The following NRG3 variants were observed in gnomAD, a reference collection of about 807,000 sequenced individuals.
The protein encoded by NRG3 is neuregulin 3.
A neutral mutation model predicts 66.9 loss-of-function variants in NRG3; 31 were observed. The ratio of observed to expected loss-of-function variants is 0.46; its 90% CI spans 0.35 to 0.63. NRG3 has a LOEUF of 0.63. Ranked by LOEUF, NRG3 falls within the 20% of genes least tolerant of loss-of-function variation. The pLI, the probability that NRG3 is intolerant of heterozygous loss-of-function variation, is 0.00. For synonymous variants in NRG3, 393 were observed against 359.4 expected, an observed-to-expected ratio of 1.09 and a Z score of -1.06; for missense variants, 910 against 878.9, an observed-to-expected ratio of 1.04 and a Z score of -0.45.
At chr10:82,472,655 C>T (rs1175350320) in intron 2 of NRG3, among the ~76,000 whole-genome samples, 1 of 152,182 alleles carries the variant, frequency 6.6e-6, no homozygotes, top group Admixed American at 6.5e-5. Flanking sequence ...AGTCTTTCTT[C>T]AGAAGGACTC....
chr10:82,126,618 G>A (rs973193268), intron 1 of NRG3, among the ~76,000 whole-genome samples: 1 of 152,070 alleles, frequency 6.6e-6, no homozygotes, highest in African/African-American at 2.4e-5. Flanking sequence ...ATGCCAGAAA[G>A]ACCAAAGAAT....
chr10:82,826,721 A>G (rs2062228745), intron 3 of NRG3, among the ~76,000 whole-genome samples: 1 of 152,144 alleles, frequency 6.6e-6, no homozygotes, highest in South Asian at 2.1e-4. Context: ...GTGCACATGG[A>G]CGCAAAGATG....
chr10:82,005,639 A>C (rs1420907358), intron 1 of NRG3, among the ~76,000 whole-genome samples: 2 of 152,100 alleles, frequency 1.3e-5, no homozygotes, highest in African/African-American at 2.4e-5. Flanking sequence ...TTTTTTCTGC[A>C]ATGCTTTTTA....
At position 82,805,871 on chromosome 10, in the gene NRG3, G is replaced by T. The variant is rs371037874; in HGVS notation, c.1028-59540G>T. Among the ~76,000 whole-genome samples the T allele has an allele frequency of 2.6e-5, 4 of 152,250 alleles. No homozygotes were observed. In the East Asian group the frequency reaches 7.7e-4, roughly 29 times the overall value. ...GTGGGCTGTAAGCAAATGTGCACAGGCCTGTTCCAAAGACTTCTTAGTTTG... is the reference window on the plus strand; with the variant it reads ...GTGGGCTGTAAGCAAATGTGCACAGTCCTGTTCCAAAGACTTCTTAGTTTG... On this transcript the variant is annotated intron_variant, in intron 3 of 8. Coordinates refer to ENST00000372141, the MANE Select transcript of NRG3 (RefSeq NM_001010848.4).
At chr10:82,522,039 C>CT (rs71009811) in intron 2 of NRG3, among the ~76,000 whole-genome samples, 3,710 of 97,674 alleles carry the variant, frequency 0.038, 145 homozygotes, top group African/African-American at 0.052. Context: ...CCGCTGAAGT[C>CT]TTTTTTTTTT....
intron 1 of NRG3, among the ~76,000 whole-genome samples, chr10:82,276,345 T>C (rs922372948): frequency 5.9e-5 from 9 of 152,036 alleles, no homozygotes; most frequent in Non-Finnish European, 1.2e-4. Flanking sequence ...AAACTGGCTC[T>C]AAAATGTACT....
At chr10:82,963,565 A>G (rs934963561) in intron 6 of NRG3, among the ~76,000 whole-genome samples, 8 of 152,192 alleles carry the variant, frequency 5.3e-5, no homozygotes, top group Non-Finnish European at 1.0e-4. Flanking sequence ...CTGTAGTCCC[A>G]GCTACTTGGG....
chr10:82,038,226 T>G (rs1424457584), intron 1 of NRG3, among the ~76,000 whole-genome samples: 1 of 152,176 alleles, frequency 6.6e-6, no homozygotes, highest in Non-Finnish European at 1.5e-5. Context: ...TTGAAAAATG[T>G]AAACCAAGCT....
chr10:81,960,229 CAG>C (rs1850222965), intron 1 of NRG3, among the ~76,000 whole-genome samples: 2 of 152,044 alleles, frequency 1.3e-5, no homozygotes, highest in African/African-American at 4.8e-5. Context: ...GTTAGGTGAG[CAG>C]AGAGAGGGAG....
At chr10:82,610,704 C>T (rs182932305) in intron 2 of NRG3, among the ~76,000 whole-genome samples, 2 of 152,258 alleles carry the variant, frequency 1.3e-5, no homozygotes, top group Non-Finnish European at 2.9e-5. Flanking sequence ...CACCCTTACT[C>T]ATTTGTATTC....
At chr10:82,721,297 AATT>A (rs1432670027) in intron 2 of NRG3, among the ~76,000 whole-genome samples, 5 of 149,400 alleles carry the variant, frequency 3.3e-5, no homozygotes, top group South Asian at 2.1e-4. Context: ...ATGCCCGGCT[AATT>A]TTTTGTATTT....
chr10:82,763,666 C>CAA (rs11408907), intron 3 of NRG3, among the ~76,000 whole-genome samples: 17 of 146,714 alleles, frequency 1.2e-4, no homozygotes, highest in African/African-American at 3.7e-4. Flanking sequence ...TTCCCATGTT[C>CAA]AAAAAAAAAA....
chr10:82,897,359 A>C (rs1427618528), intron 4 of NRG3, among the ~76,000 whole-genome samples: 1 of 152,192 alleles, frequency 6.6e-6, no homozygotes, highest in African/African-American at 2.4e-5. Flanking sequence ...GTCCAGATGA[A>C]AGGTAAAATA....
At chr10:82,331,456 C>T (rs753201948) in intron 1 of NRG3, among the ~76,000 whole-genome samples, 5 of 152,252 alleles carry the variant, frequency 3.3e-5, no homozygotes, top group South Asian at 2.1e-4. Flanking sequence ...AACTGTGCTT[C>T]TGTGGAATTT....
At chr10:82,384,594 G>A (rs766624329) in intron 2 of NRG3, among the ~76,000 whole-genome samples, 1 of 152,148 alleles carries the variant, frequency 6.6e-6, no homozygotes, top group Non-Finnish European at 1.5e-5. Context: ...ACATGTCCCT[G>A]CAGAGAAAAT....
chr10:82,524,259 C>T (rs1846473427), intron 2 of NRG3, among the ~76,000 whole-genome samples: 1 of 151,920 alleles, frequency 6.6e-6, no homozygotes, highest in Admixed American at 6.6e-5. Flanking sequence ...ATGGTTGTGA[C>T]CTGCTTTAAA....
intron 1 of NRG3, among the ~76,000 whole-genome samples, chr10:82,038,233 A>G (rs146388752): frequency 6.6e-6 from 1 of 152,262 alleles, no homozygotes; most frequent in Non-Finnish European, 1.5e-5. Flanking sequence ...ATGTAAACCA[A>G]GCTTATTTCA....
At chr10:82,529,571 G>C (rs1470279949) in intron 2 of NRG3, among the ~76,000 whole-genome samples, 1 of 152,170 alleles carries the variant, frequency 6.6e-6, no homozygotes, top group Non-Finnish European at 1.5e-5. Context: ...AGCAGCAGTA[G>C]CTCAAATAAA....
At chr10:82,623,903 T>C (rs1034555677) in intron 2 of NRG3, among the ~76,000 whole-genome samples, 2 of 152,160 alleles carry the variant, frequency 1.3e-5, no homozygotes, top group African/African-American at 4.8e-5. Flanking sequence ...CAGAGACATG[T>C]ATGATAGGGA....
Sources: gnomAD v4.1 joint callset for allele counts (sites outside exome capture counted in the v4.1 genomes callset) on GRCh38, gnomAD v4.1.1 for gene constraint, MANE v1.5 for transcripts, NCBI Gene and HGNC (gene_info 2026-07-23, HGNC 2026-07-21) for gene names.